COL28A1: variants seen among roughly 807,000 people sequenced by gnomAD.
COL28A1 encodes the protein collagen alpha-1(XXVIII) chain.
Under a neutral mutation model 150.2 loss-of-function variants are expected in COL28A1, and 161 were observed. That is an observed-to-expected ratio of 1.07 (90% CI 0.94 to 1.22). The LOEUF is 1.22. Among genes scored for constraint, COL28A1 ranks in the 50% most tolerant of loss-of-function variants. The pLI is 0.00. For missense variants in COL28A1, 1,617 were observed against 1,388.3 expected, an observed-to-expected ratio of 1.16 and a Z score of -2.62; for synonymous variants, 552 against 469.7, an observed-to-expected ratio of 1.18 and a Z score of -2.26.
intron 15 of COL28A1, among the ~76,000 whole-genome samples, chr7:7,456,540 G>C (rs1395776759): frequency 6.6e-6 from 1 of 152,148 alleles, no homozygotes; most frequent in Non-Finnish European, 1.5e-5. Context: ...AAATCTTATT[G>C]AAAATGCATT....
At position 7,362,405 on chromosome 7, in the gene COL28A1, T is replaced by C. The variant is rs957320390; in HGVS notation, c.3067-1877A>G. 2.6e-5 allele frequency among the ~76,000 whole-genome samples: 4 copies of C among 152,320 alleles called. No homozygotes were observed. In the East Asian group the frequency reaches 5.8e-4, roughly 22 times the overall value. On this transcript the variant is annotated intron_variant, in intron 33 of 34. Coordinates refer to ENST00000399429, the MANE Select transcript of COL28A1 (RefSeq NM_001037763.3). ...TAAATAGTCAAATCTGTGACTGAGA[T>C]AGTTTTTTATGCTTTTTTACCCAGG...
chr7:7,383,704 G>A (rs1294630), intron 27 of COL28A1, among the ~76,000 whole-genome samples: 94,964 of 139,510 alleles, frequency 0.68, 34,373 homozygotes, highest in East Asian at 0.87. Context: ...ATATATATAT[G>A]TATATGAGAT....
chr7:7,379,011 C>A (rs1781719463), intron 30 of COL28A1, among the ~76,000 whole-genome samples: 1 of 152,224 alleles, frequency 6.6e-6, no homozygotes, highest in African/African-American at 2.4e-5. Context: ...TGCATCCAGG[C>A]CAGTGCTTCA....
intron 27 of COL28A1, among the ~76,000 whole-genome samples, chr7:7,404,592 A>G (rs904822108): frequency 1.3e-5 from 2 of 152,012 alleles, no homozygotes; most frequent in African/African-American, 4.8e-5. Context: ...TAAGAAATCC[A>G]CAAGGCTGTC....
chr7:7,403,682 T>C (rs140416875), intron 27 of COL28A1, among the ~76,000 whole-genome samples: 1 of 152,182 alleles, frequency 6.6e-6, no homozygotes, highest in East Asian at 1.9e-4. Context: ...ACTAAGGTGA[T>C]AGAAAGGATG....
In COL28A1 at chr7:7,365,556, A is replaced by G. The variant is rs543959338; in HGVS notation, c.3067-5028T>C. Reference sequence around the variant, plus strand: ...CAAGAACATGTATGCATGAGCTAAGAAGGATTGCTGACCAGGTGCCACATC... The same window carrying G: ...CAAGAACATGTATGCATGAGCTAAGGAGGATTGCTGACCAGGTGCCACATC... On this transcript the variant is annotated intron_variant, in intron 33 of 34. Transcript: ENST00000399429. 5.3e-5 allele frequency among the ~76,000 whole-genome samples: 8 copies of G among 152,312 alleles called. No individual in the cohort carries two copies. The South Asian group carries it at 1.7e-3, about 32-fold the overall frequency.
intron 11 of COL28A1, among the ~76,000 whole-genome samples, chr7:7,501,729 C>T (rs989712670): frequency 6.6e-6 from 1 of 152,126 alleles, no homozygotes; most frequent in Non-Finnish European, 1.5e-5. Context: ...CCTGAGCCAC[C>T]ATGACAGCCC....
intron 27 of COL28A1, among the ~76,000 whole-genome samples, chr7:7,403,282 C>G (rs939294664): frequency 6.6e-6 from 1 of 152,058 alleles, no homozygotes; most frequent in Non-Finnish European, 1.5e-5. Context: ...ACAATCAGAT[C>G]AAAGCCGAGG....
At chr7:7,387,485 A>G (rs1204091267) in intron 27 of COL28A1, among the ~76,000 whole-genome samples, 1 of 152,168 alleles carries the variant, frequency 6.6e-6, no homozygotes, top group African/African-American at 2.4e-5. Context: ...ACTGTGTTAT[A>G]TAAGAGAATG....
rs761650167 is a variant in COL28A1, at chr7:7,372,996, AC to A, written c.2908+1del. On this transcript the variant is annotated splice_donor_variant, in intron 32 of 34. Transcript: ENST00000399429. LOFTEE classifies it high-confidence loss of function. ...TCCCCTGGGCCAGATAGCCTTCCTT[AC>A]CTTGCAGGGTAAAGAAATCATCAAA... is the stretch of plus-strand genomic sequence containing the variant. 109 of 1,611,330 alleles carry A rather than the reference AC, an allele frequency of 6.8e-5. 1 individual carries two copies. In the African/African-American group the frequency reaches 1.3e-3, roughly 20 times the overall value.
intron 27 of COL28A1, among the ~76,000 whole-genome samples, chr7:7,393,249 G>A (rs186767573): frequency 1.1e-3 from 164 of 152,298 alleles, no homozygotes; most frequent in African/African-American, 3.7e-3. Context: ...TTTGCTGGAC[G>A]TCCACTCCAG....
At chr7:7,535,462 T>C (rs1782591277) in intron 1 of COL28A1, among the ~76,000 whole-genome samples, 1 of 152,158 alleles carries the variant, frequency 6.6e-6, no homozygotes, top group African/African-American at 2.4e-5. Flanking sequence ...TTGTAAACCC[T>C]GTTCCAAATT....
downstream of COL28A1, among the ~76,000 whole-genome samples, chr7:7,352,863 G>C (rs1328037316): frequency 6.6e-6 from 1 of 152,238 alleles, no homozygotes; most frequent in East Asian, 1.9e-4. Flanking sequence ...CCTGACGTCA[G>C]TGTGCAGAAT....
chr7:7,433,602 C>T (rs1785133777), intron 23 of COL28A1, among the ~76,000 whole-genome samples: 1 of 150,226 alleles, frequency 6.7e-6, no homozygotes, highest in South Asian at 2.1e-4. Context: ...CTACTGTGCT[C>T]CAGCCTGGGC....
intron 34 of COL28A1, among the ~76,000 whole-genome samples, chr7:7,359,453 A>G (rs1780520518): frequency 3.9e-5 from 6 of 152,206 alleles, no homozygotes; most frequent in Admixed American, 3.3e-4. Context: ...AGCTGTAACA[A>G]TAAAGCCACA....
chr7:7,388,064 A>G (rs1782296826), intron 27 of COL28A1, among the ~76,000 whole-genome samples: 2 of 151,534 alleles, frequency 1.3e-5, no homozygotes, highest in Admixed American at 6.6e-5. Flanking sequence ...TGTGCAGAAC[A>G]TGGTTTGTTA....
chr7:7,525,931 TAG>T (rs1453234195), intron 3 of COL28A1, among the ~76,000 whole-genome samples: 2 of 152,182 alleles, frequency 1.3e-5, no homozygotes, highest in Non-Finnish European at 1.5e-5. Flanking sequence ...CTACAAAATT[TAG>T]AGTCTCACCT....
intron 15 of COL28A1, among the ~76,000 whole-genome samples, chr7:7,472,357 G>A (rs1179127883): frequency 6.6e-6 from 1 of 151,828 alleles, no homozygotes; most frequent in Non-Finnish European, 1.5e-5. Flanking sequence ...CAAATCAGTA[G>A]CTCTTCTATA....
chr7:7,432,583 T>C (rs1221830619), intron 24 of COL28A1, 42 bp from the exon 25 acceptor site: 1 of 1,605,032 alleles, frequency 6.2e-7, no homozygotes, highest in Non-Finnish European at 8.5e-7. Flanking sequence ...ATCCTTGTAG[T>C]ATGCAACACT....
Sources: allele counts gnomAD v4.1 joint callset (sites outside exome capture counted in the v4.1 genomes callset), GRCh38; gene constraint gnomAD v4.1.1; transcripts MANE v1.5; gene names NCBI Gene and HGNC (gene_info 2026-07-23, HGNC 2026-07-21).